The following CLCN5 variants were observed in gnomAD, a reference collection of about 807,000 sequenced individuals.
CLCN5 encodes the protein H(+)/Cl(-) exchange transporter 5.
In CLCN5, 17 loss-of-function variants were observed where a neutral mutation model predicts 54.0. The observed-to-expected ratio is 0.31, with a 90% CI of 0.22 to 0.47. CLCN5 has a LOEUF of 0.47. Ranked by LOEUF, CLCN5 falls within the 20% of genes least tolerant of loss-of-function variation. The probability of loss-of-function intolerance (pLI) is 1.00; values close to 1 mark genes in which losing one functional copy is unlikely to be tolerated. For missense variants in CLCN5, 448 were observed against 646.7 expected, an observed-to-expected ratio of 0.69 and a Z score of 3.33; for synonymous variants, 222 against 233.0, an observed-to-expected ratio of 0.95 and a Z score of 0.43.
chrX:50,070,149 G>A, intron 5 of CLCN5, 119 bp downstream of exon 5: 1 of 665,398 alleles, frequency 1.5e-6, no homozygotes, highest in Non-Finnish European at 2.3e-6. Context: ...TCTGGTTTCT[G>A]TTGGCAATAT....
At chrX:50,085,695 T>C in intron 9 of CLCN5, 1 of 354,645 alleles carries the variant, frequency 2.8e-6, no homozygotes, top group East Asian at 5.2e-5. Context: ...AGTTACTGAA[T>C]TGGGAGTATG....
chrX:49,956,567 G>C (rs782451109), intron 3 of CLCN5, among the ~76,000 whole-genome samples: 37 of 111,705 alleles, frequency 3.3e-4, no homozygotes, highest in Middle Eastern at 4.7e-3. Flanking sequence ...ACCTGTCTCT[G>C]TTATCTCTAA....
chrX:50,009,415 T>A (rs1930374196), intron 3 of CLCN5, among the ~76,000 whole-genome samples: 1 of 112,004 alleles, frequency 8.9e-6, no homozygotes, highest in African/African-American at 3.2e-5. Context: ...CATGTGCATG[T>A]ACATGTGTGC....
intron 9 of CLCN5, among the ~76,000 whole-genome samples, chrX:50,082,518 G>T (rs7885931): frequency 0.11 from 11,949 of 109,207 alleles, 1,687 homozygotes; most frequent in African/African-American, 0.38. Flanking sequence ...TCACTATGTT[G>T]CCCAGGCTAG....
intron 3 of CLCN5, among the ~76,000 whole-genome samples, chrX:50,040,425 T>C (rs782000740): frequency 8.9e-6 from 1 of 112,322 alleles, no homozygotes; most frequent in South Asian, 3.7e-4. Flanking sequence ...TACCTGACCA[T>C]ATATCATCAT....
At chrX:50,009,174 G>A (rs1368253404) in intron 3 of CLCN5, 1 of 256,971 alleles carries the variant, frequency 3.9e-6, no homozygotes, top group African/African-American at 2.9e-5. Context: ...GGGCTCTGTA[G>A]AGGGCACCTG....
chrX:50,068,890 T>C (rs1306266986), intron 4 of CLCN5, among the ~76,000 whole-genome samples: 3 of 112,334 alleles, frequency 2.7e-5, no homozygotes, highest in Non-Finnish European at 3.8e-5. Flanking sequence ...TACTGTTTTG[T>C]ATTTTGTGTT....
At chrX:50,052,509 G>A (rs782642791) in intron 4 of CLCN5, among the ~76,000 whole-genome samples, 138 of 111,374 alleles carry the variant, frequency 1.2e-3, no homozygotes, top group African/African-American at 4.5e-3. Flanking sequence ...TTCCTTTCTT[G>A]TAATGTCTCT....
rs1928315446 is a variant in CLCN5, at chrX:49,973,329, ATCTT to A, written c.16+48021_16+48024del. Among the ~76,000 whole-genome samples, 6 of 111,858 alleles carry A rather than the reference ATCTT, an allele frequency of 5.4e-5. No homozygotes were observed. The South Asian group carries it at 2.2e-3, about 41-fold the overall frequency. ...CATTTCTCTGTTTTTTATTCTCTGTATCTTTCTTTTTTTTAGTTTTAATGTATTT... is the reference window on the plus strand; with the variant it reads ...CATTTCTCTGTTTTTTATTCTCTGTATCTTTTTTTTAGTTTTAATGTATTT... On this transcript the variant is annotated intron_variant, in intron 3 of 14. Transcript: ENST00000376091.
chrX:50,007,993 G>A (rs1930288491), intron 3 of CLCN5, among the ~76,000 whole-genome samples: 1 of 112,001 alleles, frequency 8.9e-6, no homozygotes, highest in African/African-American at 3.2e-5. Context: ...TGGACCAGTA[G>A]CATCAGTATC....
chrX:50,031,449 G>A (rs1248856802), intron 3 of CLCN5, among the ~76,000 whole-genome samples: 1 of 111,497 alleles, frequency 9.0e-6, no homozygotes, highest in African/African-American at 3.3e-5. Flanking sequence ...TCACAGTATA[G>A]TCTGTGAGTT....
intron 3 of CLCN5, among the ~76,000 whole-genome samples, chrX:49,966,613 T>TTTA (rs1927898430): frequency 6.1e-5 from 1 of 16,494 alleles, no homozygotes; most frequent in African/African-American, 3.2e-4. Context: ...TTTTTTTTTA[T>TTTA]TTTTTTATTT....
chrX:50,070,481 G>GT (rs1727222593), intron 5 of CLCN5, among the ~76,000 whole-genome samples: 1 of 111,524 alleles, frequency 9.0e-6, no homozygotes, highest in Admixed American at 9.6e-5. Context: ...CTCTTTTATG[G>GT]TTTTTTCCTT....
chrX:50,090,077 T>G (rs1557194510), intron 12 of CLCN5, 39 bp from the exon 13 acceptor site: 2 of 1,194,693 alleles, frequency 1.7e-6, no homozygotes, highest in Non-Finnish European at 2.3e-6. Flanking sequence ...GAATCCTGTA[T>G]TTTGCCTACC....
intron 3 of CLCN5, chrX:50,013,275 T>C (rs782056730): frequency 5.6e-6 from 2 of 360,147 alleles, no homozygotes; most frequent in East Asian, 8.3e-5. Context: ...CATATCGGAG[T>C]TGTGAATTCT....
intron 3 of CLCN5, among the ~76,000 whole-genome samples, chrX:49,997,977 GT>G: frequency 9.0e-6 from 1 of 111,315 alleles, no homozygotes; most frequent in African/African-American, 3.3e-5. Flanking sequence ...AAGCTAAACA[GT>G]TGGGGTCAGG....
rs1057515946 is a variant in CLCN5 at position 50,098,111 on chromosome X, CTT to C, written c.*5899_*5900del. The C allele has an allele frequency of 2.7e-5, 3 of 111,720 alleles. No individual in the cohort carries two copies. The highest frequency in any genetic ancestry group is 5.7e-5 in the Non-Finnish European group (3 of 53,049). 9.2% of individuals were successfully genotyped at this position (111,720 alleles called of 1,213,427 possible). A position where few individuals can be genotyped will look rare whatever the true frequency, so the allele number is the denominator to read the frequency against. On this transcript the variant is annotated 3_prime_UTR_variant, in exon 15 of 15. Transcript: ENST00000376091. ...ATTTTCCTGGCTTTTTAGCACTCAGCTTTTTTTTATAAGTATGTATTTACTTT... is the reference window on the plus strand; with the variant it reads ...ATTTTCCTGGCTTTTTAGCACTCAGCTTTTTTATAAGTATGTATTTACTTT...
chrX:49,961,389 G>C (rs1927590314), intron 3 of CLCN5, among the ~76,000 whole-genome samples: 1 of 111,818 alleles, frequency 8.9e-6, no homozygotes, highest in African/African-American at 3.3e-5. Flanking sequence ...GCTTAGTGAA[G>C]TAAGTATTCT....
At chrX:50,082,681 G>A (rs1933747653) in intron 9 of CLCN5, among the ~76,000 whole-genome samples, 1 of 111,131 alleles carries the variant, frequency 9.0e-6, no homozygotes, top group African/African-American at 3.3e-5. Flanking sequence ...GGAGAAGTAA[G>A]GATTTTAACT....
Sources: gnomAD v4.1 joint callset for allele counts (sites outside exome capture counted in the v4.1 genomes callset) on GRCh38, gnomAD v4.1.1 for gene constraint, MANE v1.5 for transcripts, NCBI Gene and HGNC (gene_info 2026-07-23, HGNC 2026-07-21) for gene names.